ELFN2: variants seen among roughly 807,000 people sequenced by gnomAD.
The protein encoded by ELFN2 is extracellular leucine rich repeat and fibronectin type III domain containing 2.
A neutral mutation model predicts 45.5 loss-of-function variants in ELFN2; 17 were observed. The observed-to-expected ratio is 0.37, with a 90% CI of 0.26 to 0.56. The LOEUF (loss-of-function observed/expected upper bound fraction) is 0.56, where lower values mean the gene tolerates loss of function less well. Ranked by LOEUF, ELFN2 falls within the 20% of genes least tolerant of loss-of-function variation. The pLI is 0.77. For synonymous variants in ELFN2, 550 were observed against 551.5 expected (o/e 1.00, Z 0.04); for missense variants, 922 against 1,183.2 (o/e 0.78, Z 3.24).
chr22:37,393,534 G>A (rs146363327), intron 2 of ELFN2, among the ~76,000 whole-genome samples: 114 of 152,330 alleles, frequency 7.5e-4, no homozygotes, highest in Middle Eastern at 3.4e-3. Flanking sequence ...GTATCGATGA[G>A]GACAACAGTA....
intron 2 of ELFN2, among the ~76,000 whole-genome samples, chr22:37,414,432 G>C (rs543071468): frequency 6.6e-6 from 1 of 152,306 alleles, no homozygotes; most frequent in South Asian, 2.1e-4. Flanking sequence ...AATCAAATGA[G>C]AGCTGGAGCC....
At position 37,375,914 on chromosome 22, in the gene ELFN2, C is replaced by T. The variant is rs1601747372; in HGVS notation, c.-380G>A. The T allele has an allele frequency of 3.2e-6, 1 of 317,056 alleles. No individual in the cohort carries two copies. The highest frequency in any genetic ancestry group is 7.7e-5 in the East Asian group (1 of 13,006). 19.6% of individuals were successfully genotyped at this position (317,056 alleles called of 1,614,324 possible). A position where few individuals can be genotyped will look rare whatever the true frequency, so the allele number is the denominator to read the frequency against. Reference sequence around the variant, plus strand: ...CGGGCTCAGAACTTCAGATGATTCCCACAGGAGGCTGGAGAGTGCCGCACT... The same window carrying T: ...CGGGCTCAGAACTTCAGATGATTCCTACAGGAGGCTGGAGAGTGCCGCACT... On this transcript the variant is annotated 5_prime_UTR_variant, in exon 3 of 3. Transcript: ENST00000402918.
At chr22:37,391,987 C>G (rs1361782561) in intron 2 of ELFN2, among the ~76,000 whole-genome samples, 1 of 152,210 alleles carries the variant, frequency 6.6e-6, no homozygotes, top group Non-Finnish European at 1.5e-5. Flanking sequence ...ATCTCCTCTG[C>G]CCCACGCACC....
intron 1 of ELFN2, among the ~76,000 whole-genome samples, chr22:37,426,344 ACG>A (rs1423485103): frequency 0.045 from 6,283 of 138,642 alleles, 184 homozygotes; most frequent in African/African-American, 0.084. Context: ...GTGCATGCAC[ACG>A]CGCGCGCGCG....
In ELFN2 at chr22:37,375,618, T is replaced by A. The variant is rs1376570606; in HGVS notation, c.-84A>T. On this transcript the variant is annotated 5_prime_UTR_variant, in exon 3 of 3. Coordinates refer to ENST00000402918, the MANE Select transcript of ELFN2 (RefSeq NM_052906.5). ...CTGGGGCTGGCAGTACAGTCCTCCC[T>A]GGGGCCGCCACCATCTTGGGGGCGA... 1.1e-5 allele frequency: 16 copies of A among 1,434,406 alleles called. No homozygotes were observed. The highest frequency in any genetic ancestry group is 1.4e-5 in the Non-Finnish European group (15 of 1,085,044). 88.9% of individuals were successfully genotyped at this position (1,434,406 alleles called of 1,614,324 possible).
At chr22:37,382,485 C>T (rs968748315) in intron 2 of ELFN2, among the ~76,000 whole-genome samples, 4 of 151,210 alleles carry the variant, frequency 2.6e-5, no homozygotes, top group South Asian at 4.2e-4. Context: ...CCTTGTGATC[C>T]GCCCGCCTCG....
At chr22:37,422,578 G>T (rs1932817021) in intron 1 of ELFN2, among the ~76,000 whole-genome samples, 1 of 151,848 alleles carries the variant, frequency 6.6e-6, no homozygotes, top group South Asian at 2.1e-4. Context: ...GGTGGTGTGT[G>T]CCTGTAATCC....
At chr22:37,363,244 T>C (rs1418515116), downstream of ELFN2, among the ~76,000 whole-genome samples, 1 of 152,220 alleles carries the variant, frequency 6.6e-6, no homozygotes, top group Non-Finnish European at 1.5e-5. Flanking sequence ...TTCTCTGCAA[T>C]AGAAACCGGA....
At chr22:37,396,033 C>T (rs1488641499) in intron 2 of ELFN2, among the ~76,000 whole-genome samples, 2 of 152,208 alleles carry the variant, frequency 1.3e-5, no homozygotes, top group Non-Finnish European at 2.9e-5. Context: ...GGGCTGGAGA[C>T]CCCCGGAAGG....
At chr22:37,377,533 A>G (rs1348073522) in intron 2 of ELFN2, among the ~76,000 whole-genome samples, 1 of 152,160 alleles carries the variant, frequency 6.6e-6, no homozygotes, top group Non-Finnish European at 1.5e-5. Context: ...AATTTACAGC[A>G]CTGAGCCCCA....
chr22:37,350,609 T>G (rs528792649), intron 1 of ELFN2, among the ~76,000 whole-genome samples: 2 of 150,632 alleles, frequency 1.3e-5, no homozygotes, highest in East Asian at 3.9e-4. Context: ...CCTGGTCCCC[T>G]GGAGGCTGAG....
intron 2 of ELFN2, among the ~76,000 whole-genome samples, chr22:37,389,005 C>G (rs950549447): frequency 6.6e-6 from 1 of 152,204 alleles, no homozygotes; most frequent in Non-Finnish European, 1.5e-5. Flanking sequence ...GTGGGAGAAG[C>G]ATGCGGGGCT....
chr22:37,401,852 C>T (rs1031360130), intron 2 of ELFN2, among the ~76,000 whole-genome samples: 2 of 152,204 alleles, frequency 1.3e-5, no homozygotes, highest in East Asian at 1.9e-4. Flanking sequence ...TTTAATTTTG[C>T]TTCTCCTCTC....
intron 1 of ELFN2, among the ~76,000 whole-genome samples, chr22:37,343,934 A>C (rs1355056125): frequency 6.6e-6 from 1 of 151,742 alleles, no homozygotes; most frequent in East Asian, 1.9e-4. Flanking sequence ...GGCCGCTGTC[A>C]AAGAGGGAGT....
intron 2 of ELFN2, among the ~76,000 whole-genome samples, chr22:37,376,442 G>A (rs945449161): frequency 2.6e-5 from 4 of 151,996 alleles, no homozygotes; most frequent in Non-Finnish European, 4.4e-5. Flanking sequence ...ATCTGCACAC[G>A]ACAAGCAGGC....
At chr22:37,397,316 T>C (rs1932240481) in intron 2 of ELFN2, among the ~76,000 whole-genome samples, 1 of 152,030 alleles carries the variant, frequency 6.6e-6, no homozygotes, top group African/African-American at 2.4e-5. Context: ...GAGTGAAAAT[T>C]GAAAACACAA....
At chr22:37,376,649 G>GC (rs1276088534) in intron 2 of ELFN2, among the ~76,000 whole-genome samples, 2 of 152,282 alleles carry the variant, frequency 1.3e-5, no homozygotes, top group Admixed American at 6.5e-5. Flanking sequence ...CAGCTGTGGG[G>GC]CCCCCCAAGC....
chr22:37,385,661 C>T (rs562659095), intron 2 of ELFN2, among the ~76,000 whole-genome samples: 2 of 152,204 alleles, frequency 1.3e-5, no homozygotes, highest in Non-Finnish European at 2.9e-5. Flanking sequence ...AGTGGGGACA[C>T]GTAGAAACCC....
chr22:37,387,599 T>C (rs1381477418), intron 2 of ELFN2, among the ~76,000 whole-genome samples: 3 of 152,140 alleles, frequency 2.0e-5, no homozygotes, highest in Non-Finnish European at 4.4e-5. Flanking sequence ...GCGCCTGACA[T>C]GTCGCCTTCT....
Sources: gnomAD v4.1 joint callset for allele counts (sites outside exome capture counted in the v4.1 genomes callset) on GRCh38, gnomAD v4.1.1 for gene constraint, MANE v1.5 for transcripts, NCBI Gene and HGNC (gene_info 2026-07-23, HGNC 2026-07-21) for gene names.